The following PCDHGA7 variants were observed in gnomAD, a reference collection of about 807,000 sequenced individuals.
PCDHGA7 encodes the protein protocadherin gamma subfamily A, 7.
Under a neutral mutation model 58.3 loss-of-function variants are expected in PCDHGA7, and 44 were observed. The observed-to-expected ratio is 0.75, with a 90% CI of 0.59 to 0.97. The LOEUF (loss-of-function observed/expected upper bound fraction) is 0.97. Ranked by LOEUF, PCDHGA7 falls within the 50% of genes least tolerant of loss-of-function variation. The probability of loss-of-function intolerance (pLI) is 0.00; values close to 1 mark genes in which losing one functional copy is unlikely to be tolerated. For missense variants in PCDHGA7, 1,266 were observed against 1,188.7 expected, an observed-to-expected ratio of 1.06 and a Z score of -0.96; for synonymous variants, 516 against 504.2, an observed-to-expected ratio of 1.02 and a Z score of -0.31.
intron 1 of PCDHGA7, among the ~76,000 whole-genome samples, chr5:141,464,935 T>A (rs1157718693): frequency 6.6e-6 from 1 of 151,882 alleles, no homozygotes; most frequent in African/African-American, 2.4e-5. Flanking sequence ...AGATGTGAGG[T>A]CTCACTATGT....
chr5:141,491,312 C>T lies in PCDHGA7; in HGVS notation c.2425-3495C>T, dbSNP rs749198887. The stretch of plus-strand genomic sequence containing the variant: ...CACCCTCCTGAGCGTTCAGACCTTA[C>T]CCTTTACCTCATTGTGGCTCTAGCG... On this transcript the variant is annotated intron_variant, in intron 1 of 3. Transcript: ENST00000518325. The surrounding 1 kb of genome is among the most constrained non-coding windows in gnomAD (Gnocchi z 6.9). 3 of 1,614,170 alleles carry T rather than the reference C, an allele frequency of 1.9e-6. No individual in the cohort carries two copies. Among genetic ancestry groups the T allele is most frequent in the East Asian group, 4.5e-5 (2 of 44,878 alleles).
At chr5:141,478,454 A>G (rs766350066) in intron 1 of PCDHGA7, 4 of 1,613,596 alleles carry the variant, frequency 2.5e-6, no homozygotes, top group Non-Finnish European at 3.4e-6. Context: ...TGGTGCAGCC[A>G]GTCCACTGGC....
At chr5:141,409,631 T>C (rs773588699) in intron 1 of PCDHGA7, 27 of 1,613,698 alleles carry the variant, frequency 1.7e-5, no homozygotes, top group Non-Finnish European at 2.2e-5. Context: ...AGTGAGCGCC[T>C]CTGACCCGGA....
chr5:141,507,796 G>GGGAA (rs2099863457), intron 3 of PCDHGA7, among the ~76,000 whole-genome samples: 1 of 152,220 alleles, frequency 6.6e-6, no homozygotes, highest in Admixed American at 6.5e-5. Flanking sequence ...GTCTAAGCCT[G>GGGAA]CGCCCTGGGG....
At chr5:141,402,919 G>T in intron 1 of PCDHGA7, 1 of 1,572,640 alleles carries the variant, frequency 6.4e-7, no homozygotes, top group Non-Finnish European at 8.6e-7. Flanking sequence ...CGCGCACAGA[G>T]ATCCTTTTGA....
intron 1 of PCDHGA7, chr5:141,440,534 C>A (rs562736984): frequency 1.3e-5 from 2 of 152,188 alleles, no homozygotes; most frequent in East Asian, 3.9e-4. Flanking sequence ...TCATGCACCA[C>A]GGTTCAGCAG....
chr5:141,476,557 C>T lies in PCDHGA7; in HGVS notation c.2425-18250C>T. On this transcript the variant is annotated intron_variant, in intron 1 of 3. Coordinates refer to ENST00000518325, the MANE Select transcript of PCDHGA7 (RefSeq NM_018920.4). This position sits in a 1 kb window ranked among gnomAD's most constrained non-coding sequence, Gnocchi z 7.6. ...AAATGAAATTGGAGATTAGCGAGGC[C>T]GTGGCTCCGGGGACGCGCTTTCCGC... The T allele has an allele frequency of 1.2e-6, 2 of 1,614,222 alleles. No homozygotes were observed. The highest frequency in any genetic ancestry group is 1.3e-5 in the African/African-American group (1 of 75,060).
At chr5:141,470,059 G>A (rs1206799372) in intron 1 of PCDHGA7, among the ~76,000 whole-genome samples, 6 of 152,186 alleles carry the variant, frequency 3.9e-5, no homozygotes, top group African/African-American at 1.4e-4. Context: ...AACCCCGGAG[G>A]CAGAGACTGT....
intron 1 of PCDHGA7, among the ~76,000 whole-genome samples, chr5:141,488,697 A>T (rs1337725245): frequency 6.6e-6 from 1 of 152,162 alleles, no homozygotes; most frequent in Non-Finnish European, 1.5e-5. Context: ...GAAGGACAAG[A>T]TTTTGCTGGT....
At position 141,404,477 on chromosome 5, in the gene PCDHGA7, T is replaced by C. The variant is rs750187565; in HGVS notation, c.2424+19154T>C. On this transcript the variant is annotated intron_variant, in intron 1 of 3. Coordinates refer to ENST00000518325, the MANE Select transcript of PCDHGA7 (RefSeq NM_018920.4). ...TCTCTCCACCTATGTCTCTATTAAC[T>C]CAGACACTGGTGTGCTGTATGCTCT... is the stretch of plus-strand genomic sequence containing the variant. The C allele has an allele frequency of 3.1e-6, 5 of 1,613,408 alleles. No individual in the cohort carries two copies. In the South Asian group the frequency reaches 4.4e-5, roughly 14 times the overall value.
In PCDHGA7 at chr5:141,395,061, C is replaced by G. The variant is rs751602382; in HGVS notation, c.2424+9738C>G. 1.5e-5 allele frequency: 25 copies of G among 1,614,158 alleles called. No individual in the cohort carries two copies. In the African/African-American group the frequency reaches 3.2e-4, roughly 21 times the overall value. On this transcript the variant is annotated intron_variant, in intron 1 of 3. Coordinates refer to ENST00000518325, the MANE Select transcript of PCDHGA7 (RefSeq NM_018920.4). ...GGGTGTTGAGGAGGTACAGGCTTTCCTGCAGACCTATTCCCAGGAAGTCTC... is the reference window on the plus strand; with the variant it reads ...GGGTGTTGAGGAGGTACAGGCTTTCGTGCAGACCTATTCCCAGGAAGTCTC...
intron 1 of PCDHGA7, among the ~76,000 whole-genome samples, chr5:141,400,827 C>G (rs1236536713): frequency 2.0e-5 from 3 of 152,178 alleles, no homozygotes; most frequent in Admixed American, 2.0e-4. Flanking sequence ...TTCGTTGTCT[C>G]ATTCTTTAAC....
At chr5:141,418,806 C>A in intron 1 of PCDHGA7, 1 of 1,613,696 alleles carries the variant, frequency 6.2e-7, no homozygotes, top group Non-Finnish European at 8.5e-7. Context: ...GAAAGATATA[C>A]GATAAACATA....
chr5:141,432,803 G>T lies in PCDHGA7; in HGVS notation c.2424+47480G>T, dbSNP rs751950423. 3 of 1,614,160 alleles carry T rather than the reference G, an allele frequency of 1.9e-6. No homozygotes were observed. The highest frequency in any genetic ancestry group is 2.2e-5 in the East Asian group (1 of 44,874). ...GGACCTCGGCAGCCTCGAGTCTCCA[G>T]CTAACTCTGAAACCTCAGACCTCAC... On this transcript the variant is annotated intron_variant, in intron 1 of 3. Coordinates refer to ENST00000518325, the MANE Select transcript of PCDHGA7 (RefSeq NM_018920.4). This position sits in a 1 kb window ranked among gnomAD's most constrained non-coding sequence, Gnocchi z 6.0.
chr5:141,410,086 G>C (rs759204005), intron 1 of PCDHGA7: 1 of 1,612,588 alleles, frequency 6.2e-7, no homozygotes, highest in Non-Finnish European at 8.5e-7. Flanking sequence ...AGGTGCGCAC[G>C]GCTCGAGCCT....
chr5:141,401,836 A>G (rs1400731084), intron 1 of PCDHGA7, among the ~76,000 whole-genome samples: 3 of 152,204 alleles, frequency 2.0e-5, no homozygotes, highest in Admixed American at 1.3e-4. Flanking sequence ...GATTTCTTAT[A>G]ATACCACTTA....
At chr5:141,421,489 G>T (rs754141447) in intron 1 of PCDHGA7, 9 of 1,614,094 alleles carry the variant, frequency 5.6e-6, no homozygotes, top group Non-Finnish European at 7.6e-6. Context: ...CTTGATCACG[G>T]CAGGCAGGAT....
At chr5:141,427,492 T>C (rs894605769) in intron 1 of PCDHGA7, 1 of 555,624 alleles carries the variant, frequency 1.8e-6, no homozygotes, top group Non-Finnish European at 3.4e-6. Context: ...TATAAGCTTG[T>C]AACAGATGGG....
At chr5:141,419,686 G>A (rs551990092) in intron 1 of PCDHGA7, 2 of 1,612,760 alleles carry the variant, frequency 1.2e-6, no homozygotes, top group Non-Finnish European at 1.7e-6. Flanking sequence ...ACCACGTGGT[G>A]CAGGCCAGTG....
Sources: gnomAD v4.1 joint callset for allele counts (sites outside exome capture counted in the v4.1 genomes callset) on GRCh38, gnomAD v4.1.1 for gene constraint, Gnocchi (gnomAD v3.1) non-coding constraint, MANE v1.5 for transcripts, NCBI Gene and HGNC (gene_info 2026-07-23, HGNC 2026-07-21) for gene names.